Variants in CLVS1 observed in about 807,000 individuals in gnomAD.
CLVS1 encodes the protein clavesin 1, also known as clavesin-1.
A neutral mutation model predicts 33.1 loss-of-function variants in CLVS1; 10 were observed. That is an observed-to-expected ratio of 0.30 (90% CI 0.19 to 0.51). The LOEUF (loss-of-function observed/expected upper bound fraction) is 0.51, where lower values mean the gene tolerates loss of function less well. CLVS1 is among the 20% of genes least tolerant of loss of function. The pLI is 0.97. For synonymous variants in CLVS1, 163 were observed against 166.1 expected (o/e 0.98, Z 0.14); for missense variants, 343 against 433.4 (o/e 0.79, Z 1.85).
the CLVS1 span, among the ~76,000 whole-genome samples, chr8:61,043,723 A>G: frequency 6.6e-6 from 1 of 152,186 alleles, no homozygotes; most frequent in Non-Finnish European, 1.5e-5. Flanking sequence ...ACCTGGATTG[A>G]CTGGGCATTC....
chr8:61,362,907 C>T lies in CLVS1; in HGVS notation c.456-13698C>T, dbSNP rs187425054. 1.6e-4 allele frequency among the ~76,000 whole-genome samples: 25 copies of T among 152,236 alleles called. No individual in the cohort carries two copies. The East Asian group carries it at 1.9e-3, about 12-fold the overall frequency. On this transcript the variant is annotated intron_variant, in intron 2 of 5. Transcript: ENST00000325897. ...TATGTAGGTGGGTAAGTAAGACTCC[C>T]GATTTCTGAATGTGGGTGAAAGAGA...
chr8:61,059,471 CATACATATATATATATAT>C (rs1804539239), intron 1 of CLVS1, among the ~76,000 whole-genome samples: 3 of 22,978 alleles, frequency 1.3e-4, no homozygotes, highest in South Asian at 3.7e-3. Flanking sequence ...TACATACATA[CATACATATATATATATAT>C]ATATATATAT....
rs551384418 is a variant in CLVS1, at chr8:61,455,031, T to A, written c.741+780T>A. 2.6e-5 allele frequency among the ~76,000 whole-genome samples: 4 copies of A among 152,324 alleles called. No individual in the cohort carries two copies. The South Asian group carries it at 8.3e-4, about 32-fold the overall frequency. Reference sequence around the variant, plus strand: ...TTTACCATTTAGCTCTCTTTTCTTTTTTTCCCAGTGTTATTAAGGTATAAT... The same window carrying A: ...TTTACCATTTAGCTCTCTTTTCTTTATTTCCCAGTGTTATTAAGGTATAAT... On this transcript the variant is annotated intron_variant, in intron 4 of 5. Coordinates refer to ENST00000325897, the MANE Select transcript of CLVS1 (RefSeq NM_173519.3).
chr8:61,144,890 C>T (rs1377633954), intron 2 of CLVS1, among the ~76,000 whole-genome samples: 1 of 152,198 alleles, frequency 6.6e-6, no homozygotes, highest in African/African-American at 2.4e-5. Flanking sequence ...CTGCCACACC[C>T]AGCTAATTTT....
chr8:61,004,770 T>G, the CLVS1 span, among the ~76,000 whole-genome samples: 1 of 152,212 alleles, frequency 6.6e-6, no homozygotes, highest in Non-Finnish European at 1.5e-5. Context: ...AAGGGAGGCC[T>G]CTGCCTGGGC....
At chr8:61,035,363 G>C in the CLVS1 span, among the ~76,000 whole-genome samples, 6 of 151,602 alleles carry the variant, frequency 4.0e-5, no homozygotes, top group Admixed American at 1.3e-4. Context: ...TTTTGTTTTT[G>C]TTTTCACAAA....
intron 2 of CLVS1, among the ~76,000 whole-genome samples, chr8:61,339,571 AG>A (rs1361707420): frequency 2.6e-5 from 4 of 152,124 alleles, no homozygotes; most frequent in Admixed American, 6.5e-5. Flanking sequence ...CCTGTGCCCA[AG>A]GGGACCCCTG....
At chr8:61,051,225 C>A in the CLVS1 span, among the ~76,000 whole-genome samples, 1 of 152,234 alleles carries the variant, frequency 6.6e-6, no homozygotes, top group Admixed American at 6.5e-5. Context: ...GCAAAGAGCT[C>A]TAAGCTGAGC....
chr8:61,454,210 A>G lies in CLVS1; in HGVS notation c.700A>G (p.Thr234Ala). ...NQPWYIHALY[T>A]LIKPFLKDKT... ...GCCCTGGTACATTCATGCCCTCTACACACTCATCAAGCCATTTCTTAAAGA... is the reference window on the plus strand; with the variant it reads ...GCCCTGGTACATTCATGCCCTCTACGCACTCATCAAGCCATTTCTTAAAGA... The change falls in exon 4 of 6, where the codon ACA becomes GCA. Residue 234 changes from threonine to alanine, a missense_variant. Coordinates refer to ENST00000325897, the MANE Select transcript of CLVS1 (RefSeq NM_173519.3). The G allele has an allele frequency of 6.2e-7, 1 of 1,614,122 alleles. No individual in the cohort carries two copies.
chr8:61,257,940 A>ATGG (rs1421868343), intron 2 of CLVS1, among the ~76,000 whole-genome samples: 5 of 152,078 alleles, frequency 3.3e-5, no homozygotes, highest in Admixed American at 2.0e-4. Flanking sequence ...ATTAATGTCA[A>ATGG]TGGTGGTGGT....
At chr8:61,315,761 G>A (rs111366363) in intron 2 of CLVS1, among the ~76,000 whole-genome samples, 4 of 151,974 alleles carry the variant, frequency 2.6e-5, no homozygotes, top group Admixed American at 1.3e-4. Context: ...TTAAGTTCTG[G>A]GATACATGTG....
intron 2 of CLVS1, among the ~76,000 whole-genome samples, chr8:61,231,019 C>T (rs1808420764): frequency 6.6e-6 from 1 of 152,122 alleles, no homozygotes; most frequent in African/African-American, 2.4e-5. Flanking sequence ...CTCCTAATAC[C>T]ATCACCTTGG....
intron 2 of CLVS1, among the ~76,000 whole-genome samples, chr8:61,252,703 A>T (rs1348140461): frequency 2.0e-5 from 3 of 151,928 alleles, no homozygotes; most frequent in Non-Finnish European, 4.4e-5. Flanking sequence ...ATCTTTGTTG[A>T]TTTAAAGCCT....
the CLVS1 span, among the ~76,000 whole-genome samples, chr8:61,036,752 A>G: frequency 2.0e-5 from 3 of 152,376 alleles, no homozygotes; most frequent in Admixed American, 2.0e-4. Context: ...GGGCAATGGT[A>G]GTAGCCACCT....
intron 3 of CLVS1, among the ~76,000 whole-genome samples, chr8:61,425,683 T>C (rs1480010465): frequency 1.3e-5 from 2 of 152,210 alleles, no homozygotes; most frequent in Non-Finnish European, 2.9e-5. Context: ...TTTAATATTT[T>C]TTTGTAATTA....
intron 3 of CLVS1, among the ~76,000 whole-genome samples, chr8:61,405,095 G>T (rs1253340762): frequency 6.6e-6 from 1 of 152,142 alleles, no homozygotes; most frequent in African/African-American, 2.4e-5. Context: ...GAACTCTCTG[G>T]GGGGTAGTGA....
At chr8:60,978,941 A>C in the CLVS1 span, among the ~76,000 whole-genome samples, 1 of 152,238 alleles carries the variant, frequency 6.6e-6, no homozygotes, top group South Asian at 2.1e-4. Flanking sequence ...AATATCTTCT[A>C]ATGGTTTTAT....
intron 2 of CLVS1, among the ~76,000 whole-genome samples, chr8:61,247,480 A>G (rs2165275): frequency 0.15 from 22,252 of 152,116 alleles, 3,367 homozygotes; most frequent in East Asian, 0.68. Context: ...TGACTTTTTA[A>G]TAATAGCCGT....
At chr8:61,345,894 G>A (rs1812205159) in intron 2 of CLVS1, among the ~76,000 whole-genome samples, 1 of 152,070 alleles carries the variant, frequency 6.6e-6, no homozygotes, top group South Asian at 2.1e-4. Context: ...AGAAGGCTTA[G>A]CTTGACTTGT....
Sources: gnomAD v4.1 joint callset for allele counts (sites outside exome capture counted in the v4.1 genomes callset) on GRCh38, gnomAD v4.1.1 for gene constraint, MANE v1.5 for transcripts, NCBI Gene and HGNC (gene_info 2026-07-23, HGNC 2026-07-21) for gene names.